USH2A: variants seen among roughly 807,000 people sequenced by gnomAD.
USH2A encodes the protein Usher syndrome 2A (autosomal recessive, mild).
In USH2A, 443 loss-of-function variants were observed where a neutral mutation model predicts 538.9. The observed-to-expected ratio is 0.82, with a 90% CI of 0.76 to 0.89. USH2A has a LOEUF of 0.89. Ranked by LOEUF, USH2A falls within the 40% of genes least tolerant of loss-of-function variation. The pLI is 0.00. For missense variants in USH2A, 6,633 were observed against 6,324.8 expected, an observed-to-expected ratio of 1.05 and a Z score of -1.65; for synonymous variants, 2,413 against 2,273.5, an observed-to-expected ratio of 1.06 and a Z score of -1.75.
At chr1:216,140,927 T>C (rs1299625970) in intron 21 of USH2A, among the ~76,000 whole-genome samples, 1 of 152,236 alleles carries the variant, frequency 6.6e-6, no homozygotes, top group Non-Finnish European at 1.5e-5. Context: ...GCATTGGCTC[T>C]GCTTTCACAA....
At chr1:215,998,509 T>C (rs1257776283) in intron 34 of USH2A, among the ~76,000 whole-genome samples, 2 of 152,094 alleles carry the variant, frequency 1.3e-5, no homozygotes, top group Non-Finnish European at 2.9e-5. Context: ...TAAATTTTCA[T>C]ACTGTGCATT....
At chr1:215,837,130 C>T (rs1278498010) in intron 47 of USH2A, among the ~76,000 whole-genome samples, 1 of 152,038 alleles carries the variant, frequency 6.6e-6, no homozygotes, top group Non-Finnish European at 1.5e-5. Context: ...ATTATTTTAA[C>T]CATTGGTTGC....
chr1:215,921,750 C>T (rs1666104299), intron 38 of USH2A, among the ~76,000 whole-genome samples: 1 of 152,036 alleles, frequency 6.6e-6, no homozygotes, highest in Admixed American at 6.6e-5. Context: ...ATGACCTTTA[C>T]TAGTTGCAAG....
chr1:215,948,964 T>C (rs1666843052), intron 37 of USH2A, among the ~76,000 whole-genome samples: 2 of 152,072 alleles, frequency 1.3e-5, no homozygotes, highest in South Asian at 4.1e-4. Flanking sequence ...AAGGTAAAAA[T>C]GTCTATCCTG....
chr1:216,067,247 A>G (rs1165220188), intron 30 of USH2A, among the ~76,000 whole-genome samples: 1 of 152,104 alleles, frequency 6.6e-6, no homozygotes, highest in Non-Finnish European at 1.5e-5. Flanking sequence ...AACATCACAT[A>G]TCGGGGCCTG....
intron 11 of USH2A, among the ~76,000 whole-genome samples, chr1:216,284,454 T>C (rs2036843827): frequency 6.6e-6 from 1 of 152,172 alleles, no homozygotes; most frequent in Non-Finnish European, 1.5e-5. Context: ...TCTGCCATGA[T>C]TGTAAGTTTA....
chr1:215,833,161 T>C (rs1663372428), intron 47 of USH2A, among the ~76,000 whole-genome samples: 1 of 151,942 alleles, frequency 6.6e-6, no homozygotes, highest in Non-Finnish European at 1.5e-5. Flanking sequence ...TCAATGCAGT[T>C]CTAATCAAAA....
chr1:215,719,336 A>T (rs1002808737), intron 61 of USH2A, among the ~76,000 whole-genome samples: 1 of 142,892 alleles, frequency 7.0e-6, no homozygotes, highest in African/African-American at 2.6e-5. Context: ...GGGGCCAGGG[A>T]TAAGACCGTA....
intron 44 of USH2A, among the ~76,000 whole-genome samples, chr1:215,862,979 A>T (rs369389710): frequency 6.6e-6 from 1 of 152,342 alleles, no homozygotes; most frequent in South Asian, 2.1e-4. Context: ...AACCTTGAGT[A>T]TAGATGGAAT....
At chr1:215,715,246 TTC>T (rs1432083332) in intron 61 of USH2A, among the ~76,000 whole-genome samples, 2 of 152,232 alleles carry the variant, frequency 1.3e-5, no homozygotes, top group Non-Finnish European at 2.9e-5. Context: ...GTATTTGGTT[TTC>T]TGTTGCCAGG....
intron 3 of USH2A, among the ~76,000 whole-genome samples, chr1:216,414,662 G>A (rs1475771233): frequency 6.6e-6 from 1 of 151,992 alleles, no homozygotes; most frequent in African/African-American, 2.4e-5. Flanking sequence ...ATCACTATAA[G>A]CAACGAACTA....
intron 40 of USH2A, among the ~76,000 whole-genome samples, chr1:215,891,954 T>C (rs1475471065): frequency 6.6e-6 from 1 of 152,170 alleles, no homozygotes; most frequent in Non-Finnish European, 1.5e-5. Flanking sequence ...TTTCAAACCA[T>C]TTCATTGCAA....
At chr1:215,671,376 A>T in intron 63 of USH2A, 83 bp from the exon 64 acceptor site, 2 of 1,365,298 alleles carry the variant, frequency 1.5e-6, no homozygotes, top group South Asian at 2.5e-5. Flanking sequence ...AGGCCTTAAA[A>T]AAAAAAGACA....
At chr1:216,014,085 AAG>A (rs35678269) in intron 32 of USH2A, among the ~76,000 whole-genome samples, 93,046 of 145,200 alleles carry the variant, frequency 0.64, 28,923 homozygotes, top group East Asian at 0.77. Context: ...AGCATGAAAA[AAG>A]AGAGAGAGAG....
At chr1:215,951,108 T>C (rs1426756757) in intron 37 of USH2A, among the ~76,000 whole-genome samples, 1 of 152,164 alleles carries the variant, frequency 6.6e-6, no homozygotes, top group Middle Eastern at 3.2e-3. Flanking sequence ...TTTGAATGTG[T>C]TTGCTCTTGC....
At chr1:215,782,700 G>A (rs1413837258) in intron 53 of USH2A, 38 bp downstream of exon 53, 1 of 1,599,282 alleles carries the variant, frequency 6.3e-7, no homozygotes, top group Non-Finnish European at 8.6e-7. Context: ...ATGAATTTAT[G>A]GGATTTTGTT....
In USH2A at chr1:216,292,156, G is replaced by C. The variant is rs886038764; in HGVS notation, c.1840+19C>G. ...CACACAGGCCTCCAAACCAACTCAG[G>C]AATTTATTTGCTACTTACCTGTAGT... On this transcript the variant is annotated intron_variant, in intron 10 of 71. Transcript: ENST00000307340. 1.9e-6 allele frequency: 3 copies of C among 1,613,496 alleles called. No homozygotes were observed. The Admixed American group carries it at 5.0e-5, about 27-fold the overall frequency.
At chr1:215,769,968 T>C (rs1661233893) in intron 55 of USH2A, among the ~76,000 whole-genome samples, 1 of 152,212 alleles carries the variant, frequency 6.6e-6, no homozygotes, top group Non-Finnish European at 1.5e-5. Flanking sequence ...GTAGCCATGC[T>C]GACCAGTTTA....
At chr1:215,950,185 T>A (rs112606543) in intron 37 of USH2A, among the ~76,000 whole-genome samples, 49 of 152,154 alleles carry the variant, frequency 3.2e-4, no homozygotes, top group African/African-American at 1.2e-3. Context: ...AGGAAAAATG[T>A]AGAAGTATGT....
Sources: gnomAD v4.1 joint callset for allele counts (sites outside exome capture counted in the v4.1 genomes callset) on GRCh38, gnomAD v4.1.1 for gene constraint, MANE v1.5 for transcripts, NCBI Gene and HGNC (gene_info 2026-07-23, HGNC 2026-07-21) for gene names.